The following CLASP2 variants were observed in gnomAD, a reference collection of about 807,000 sequenced individuals.
CLASP2 encodes the protein CLIP-associating protein 2.
CLASP2 carries 47 observed loss-of-function variants against 194.4 expected under a neutral mutation model. The ratio of observed to expected loss-of-function variants is 0.24; its 90% confidence interval spans 0.19 to 0.31. CLASP2 has a LOEUF of 0.31. Ranked by LOEUF, CLASP2 falls within the 10% of genes least tolerant of loss-of-function variation. The pLI is 1.00. For synonymous variants in CLASP2, 619 were observed against 633.5 expected, an observed-to-expected ratio of 0.98 and a Z score of 0.34; for missense variants, 1,445 against 1,823.6, an observed-to-expected ratio of 0.79 and a Z score of 3.78.
Position 33,708,469 on chromosome 3 carries a change from TGG to T in CLASP2, c.195+9337_195+9338del, listed in dbSNP as rs1311884279. 7.9e-3 allele frequency among the ~76,000 whole-genome samples: 944 copies of T among 118,886 alleles called. 7 individuals carry two copies. Among genetic ancestry groups the T allele is most frequent in the African/African-American group, 0.027 (863 of 31,676 alleles). 78.0% of individuals were successfully genotyped at this position (118,886 alleles called of 152,430 possible). On this transcript the variant is annotated intron_variant, in intron 1 of 38. Coordinates refer to ENST00000682230, the MANE Select transcript of CLASP2 (RefSeq NM_001365631.1). ...GTGTGTGTGTCATGTGTTGTGTGTG[TGG>T]GTGTGTGTGTGTGTGTATGTATATA...
intron 34 of CLASP2, among the ~76,000 whole-genome samples, chr3:33,527,748 G>A (rs1464096378): frequency 6.6e-6 from 1 of 152,078 alleles, no homozygotes; most frequent in Non-Finnish European, 1.5e-5. Context: ...GATCACCTGA[G>A]GTCAGGAGCT....
chr3:33,597,416 G>A (rs1276789996), intron 18 of CLASP2, among the ~76,000 whole-genome samples: 2 of 152,164 alleles, frequency 1.3e-5, no homozygotes, highest in Non-Finnish European at 2.9e-5. Flanking sequence ...TTGTGGGGCT[G>A]GCCTCTGGTA....
intron 6 of CLASP2, among the ~76,000 whole-genome samples, chr3:33,676,734 A>G (rs1217696563): frequency 1.3e-5 from 2 of 152,260 alleles, no homozygotes; most frequent in Non-Finnish European, 2.9e-5. Context: ...GCTTCTGCAC[A>G]GCAAAAGAAA....
chr3:33,585,300 A>C (rs2067108339), intron 21 of CLASP2, among the ~76,000 whole-genome samples: 1 of 152,228 alleles, frequency 6.6e-6, no homozygotes, highest in African/African-American at 2.4e-5. Flanking sequence ...AGCTATATAC[A>C]GTCATATGTC....
intron 34 of CLASP2, among the ~76,000 whole-genome samples, chr3:33,518,859 A>C (rs1307243643): frequency 6.6e-6 from 1 of 152,254 alleles, no homozygotes; most frequent in Middle Eastern, 3.2e-3. Context: ...ACAAAACTGA[A>C]TTATCTATAT....
chr3:33,692,069 T>C (rs2091413976), intron 2 of CLASP2, among the ~76,000 whole-genome samples: 1 of 152,060 alleles, frequency 6.6e-6, no homozygotes, highest in Non-Finnish European at 1.5e-5. Flanking sequence ...CTTGGGAGGC[T>C]GTGGTGGGAG....
intron 7 of CLASP2, among the ~76,000 whole-genome samples, chr3:33,650,105 C>T (rs1185272865): frequency 6.6e-6 from 1 of 152,106 alleles, no homozygotes; most frequent in East Asian, 1.9e-4. Flanking sequence ...ACGGACTATA[C>T]AATAACTGAG....
chr3:33,639,900 G>A (rs1416082849), intron 8 of CLASP2, among the ~76,000 whole-genome samples: 1 of 152,230 alleles, frequency 6.6e-6, no homozygotes, highest in Non-Finnish European at 1.5e-5. Context: ...GCCCCTGACA[G>A]TGGGTCAAGC....
intron 38 of CLASP2, 134 bp downstream of exon 38, chr3:33,501,518 T>TA: frequency 1.7e-6 from 1 of 580,220 alleles, no homozygotes; most frequent in Non-Finnish European, 3.1e-6. Context: ...AAAACAGAAA[T>TA]AATAAGGGCA....
At chr3:33,717,706 G>T in intron 1 of CLASP2, 102 bp downstream of exon 1, 1 of 1,261,324 alleles carries the variant, frequency 7.9e-7, no homozygotes, top group Non-Finnish European at 1.1e-6. Flanking sequence ...CCCCTCTTAA[G>T]CAGTGGTTCG....
At chr3:33,576,040 C>G in intron 24 of CLASP2, 129 bp downstream of exon 24, 1 of 660,032 alleles carries the variant, frequency 1.5e-6, no homozygotes. Flanking sequence ...TTTACACTGC[C>G]CACGTTTTAT....
At chr3:33,590,706 GA>G (rs1560188834) in intron 21 of CLASP2, among the ~76,000 whole-genome samples, 1 of 152,034 alleles carries the variant, frequency 6.6e-6, no homozygotes, top group South Asian at 2.1e-4. Context: ...TTCTGACTTT[GA>G]AAAAAGAGAA....
At chr3:33,645,157 T>A in intron 7 of CLASP2, 1 of 729,654 alleles carries the variant, frequency 1.4e-6, no homozygotes, top group Admixed American at 1.9e-5. Flanking sequence ...TAAAACATTT[T>A]AACTCTAAAG....
At chr3:33,708,490 GTATATATATATATATGTATA>G (rs2092810952) in intron 1 of CLASP2, among the ~76,000 whole-genome samples, 2 of 128,272 alleles carry the variant, frequency 1.6e-5, no homozygotes, top group South Asian at 2.5e-4. Flanking sequence ...GTGTGTGTAT[GTATATATATATATATGTATA>G]TATATGTATA....
intron 37 of CLASP2, among the ~76,000 whole-genome samples, chr3:33,507,946 A>G (rs2048715159): frequency 6.6e-6 from 1 of 151,070 alleles, no homozygotes; most frequent in Non-Finnish European, 1.5e-5. Flanking sequence ...CATTGTTTCA[A>G]TGAGGCCAAA....
intron 32 of CLASP2, among the ~76,000 whole-genome samples, chr3:33,539,768 A>G (rs1350847005): frequency 6.6e-6 from 1 of 152,206 alleles, no homozygotes; most frequent in Non-Finnish European, 1.5e-5. Flanking sequence ...ACCATGACTC[A>G]AACAGCCTAA....
intron 20 of CLASP2, 47 bp from the exon 21 acceptor site, chr3:33,592,543 A>G (rs371823967): frequency 1.4e-6 from 2 of 1,391,756 alleles, no homozygotes; most frequent in Non-Finnish European, 2.0e-6. Flanking sequence ...TTCTATAATA[A>G]TGTTTAATAA....
intron 29 of CLASP2, among the ~76,000 whole-genome samples, chr3:33,553,722 G>C (rs1395854666): frequency 6.6e-6 from 1 of 152,168 alleles, no homozygotes; most frequent in Non-Finnish European, 1.5e-5. Context: ...TGATGATGTG[G>C]AGAAAACGAA....
At chr3:33,695,757 TAAC>T (rs1296303249) in intron 2 of CLASP2, among the ~76,000 whole-genome samples, 1 of 152,012 alleles carries the variant, frequency 6.6e-6, no homozygotes. Flanking sequence ...CTGGGTAACA[TAAC>T]AACACCCCAT....
Sources: gnomAD v4.1 joint callset for allele counts (sites outside exome capture counted in the v4.1 genomes callset) on GRCh38, gnomAD v4.1.1 for gene constraint, MANE v1.5 for transcripts, NCBI Gene and HGNC (gene_info 2026-07-23, HGNC 2026-07-21) for gene names.